The following NECTIN1 variants were observed in gnomAD, a reference collection of about 807,000 sequenced individuals.
NECTIN1 encodes nectin-1.
In NECTIN1, 23 loss-of-function variants were observed where a neutral mutation model predicts 48.0. The ratio of observed to expected loss-of-function variants is 0.48; its 90% CI spans 0.34 to 0.68. The LOEUF (loss-of-function observed/expected upper bound fraction) is 0.68, where lower values mean the gene tolerates loss of function less well. Ranked by LOEUF, NECTIN1 falls within the 30% of genes least tolerant of loss-of-function variation. The pLI is 0.01. For missense variants in NECTIN1, 591 were observed against 709.9 expected (o/e 0.83, Z 1.90); for synonymous variants, 270 against 288.9 (o/e 0.93, Z 0.66).
At position 119,684,958 on chromosome 11, in the gene NECTIN1, C is replaced by A. The variant is rs2135557311; in HGVS notation, c.80-6193G>T. ...GGCTGCCCCCTCCTGCCTCCAGACT[C>A]CCCTCTACACTCAGGATGGGGAGGA... On this transcript the variant is annotated intron_variant, in intron 1 of 5. Transcript: ENST00000264025. The surrounding 1 kb of genome is among the most constrained non-coding windows in gnomAD (Gnocchi z 5.2). Among the ~76,000 whole-genome samples the A allele has an allele frequency of 6.6e-6, 1 of 152,110 alleles. No homozygotes were observed. The highest frequency in any genetic ancestry group is 2.1e-4 in the South Asian group (1 of 4,808).
intron 1 of NECTIN1, among the ~76,000 whole-genome samples, chr11:119,698,580 G>C (rs1865382948): frequency 6.6e-6 from 1 of 152,236 alleles, no homozygotes; most frequent in African/African-American, 2.4e-5. Context: ...GAGCAGTGGA[G>C]AGTAGAGAGG....
chr11:119,695,118 G>A (rs2135565717), intron 1 of NECTIN1, among the ~76,000 whole-genome samples: 1 of 152,268 alleles, frequency 6.6e-6, no homozygotes, highest in East Asian at 1.9e-4. Context: ...CTGAGAAACT[G>A]AGGCTCAGGC....
At chr11:119,717,349 A>T (rs1865759221) in intron 1 of NECTIN1, among the ~76,000 whole-genome samples, 1 of 152,256 alleles carries the variant, frequency 6.6e-6, no homozygotes, top group South Asian at 2.1e-4. Context: ...CTGCCGGCCC[A>T]GGACACTGAT....
chr11:119,678,526 C>T lies in NECTIN1; in HGVS notation c.319G>A (p.Gly107Ser). 1.2e-6 allele frequency: 2 copies of T among 1,614,214 alleles called. No homozygotes were observed. Among genetic ancestry groups the T allele is most frequent in the Non-Finnish European group, 1.7e-6 (2 of 1,180,040 alleles). ...TCCAGGCGGGAGAGGCGGATAGTGC[C>T]ATCGGTGAAGGAGGGCCGCAGGAAT... ...VEFLRPSFTD[G>S]TIRLSRLELE... The change falls in exon 2 of 6, where the codon GGC (glycine) becomes AGC (serine). Residue 107 changes from glycine to serine, a missense_variant. Physicochemically the swap from Gly to Ser is moderately conservative, Grantham distance 56 (BLOSUM62 0). Coordinates refer to ENST00000264025, the MANE Select transcript of NECTIN1 (RefSeq NM_002855.5). This position sits in a 1 kb window ranked among gnomAD's most constrained non-coding sequence, Gnocchi z 4.4.
At chr11:119,638,630 G>A in intron 7 of NECTIN1, 1 of 1,090,304 alleles carries the variant, frequency 9.2e-7, no homozygotes, top group Non-Finnish European at 1.4e-6. Context: ...ATGAAGGCGT[G>A]GCGGCTCTGT....
In NECTIN1 at chr11:119,727,212, C is replaced by G. The variant is rs11603579; in HGVS notation, c.79+1263G>C. 9.2e-3 allele frequency among the ~76,000 whole-genome samples: 1,401 copies of G among 152,282 alleles called. 27 individuals carry two copies. The highest frequency in any genetic ancestry group is 0.032 in the African/African-American group (1,338 of 41,568). On this transcript the variant is annotated intron_variant, in intron 1 of 5. Transcript: ENST00000264025. The surrounding 1 kb of genome is among the most constrained non-coding windows in gnomAD (Gnocchi z 4.1). ...GCCTTCCAGGAGTGCACCCTAGCCC[C>G]GGAACTAGGCAGCCAGACTGTTCCC...
chr11:119,728,161 G>A lies in NECTIN1; in HGVS notation c.79+314C>T, dbSNP rs564652891. Among the ~76,000 whole-genome samples the A allele has an allele frequency of 2.2e-3, 328 of 152,366 alleles. 1 individual carries two copies. The highest frequency in any genetic ancestry group is 7.3e-3 in the African/African-American group (305 of 41,586). On this transcript the variant is annotated intron_variant, in intron 1 of 5. Coordinates refer to ENST00000264025, the MANE Select transcript of NECTIN1 (RefSeq NM_002855.5). ...ATGTAACACGCAGTGTTTCCAAACT[G>A]CTTCCCGAGCAGAGAGCTGGTTATT...
intron 5 of NECTIN1, among the ~76,000 whole-genome samples, chr11:119,654,430 A>G (rs901473183): frequency 1.3e-5 from 2 of 152,118 alleles, no homozygotes; most frequent in Admixed American, 6.5e-5. Context: ...AGGTTCAGGG[A>G]GGACACACAG....
chr11:119,684,001 G>A lies in NECTIN1; in HGVS notation c.80-5236C>T, dbSNP rs1179544172. Among the ~76,000 whole-genome samples the A allele has an allele frequency of 6.6e-6, 1 of 152,212 alleles. No individual in the cohort carries two copies. Among genetic ancestry groups the A allele is most frequent in the African/African-American group, 2.4e-5 (1 of 41,468 alleles). On this transcript the variant is annotated intron_variant, in intron 1 of 5. Transcript: ENST00000264025. This position sits in a 1 kb window ranked among gnomAD's most constrained non-coding sequence, Gnocchi z 5.2. ...AACAAAACACAAAGACTCCTCAGTT[G>A]TGGCGGACAAACCTGCTCCCCAAGG...
chr11:119,692,411 ATGTG>A (rs60998928), intron 1 of NECTIN1, among the ~76,000 whole-genome samples: 3 of 142,450 alleles, frequency 2.1e-5, no homozygotes, highest in Non-Finnish European at 4.7e-5. Flanking sequence ...TGTGGCAGTG[ATGTG>A]TGTGTGTGTG....
In NECTIN1 at chr11:119,662,048, G is replaced by C. The variant is rs1186694951; in HGVS notation, c.*2699C>G. 5.1e-6 allele frequency: 5 copies of C among 985,276 alleles called. No homozygotes were observed. Among genetic ancestry groups the C allele is most frequent in the African/African-American group, 3.5e-5 (2 of 57,204 alleles). 61.0% of individuals were successfully genotyped at this position (985,276 alleles called of 1,614,324 possible). A position where few individuals can be genotyped will look rare whatever the true frequency, so the allele number is the denominator to read the frequency against. On this transcript the variant is annotated 3_prime_UTR_variant, in exon 6 of 6. Transcript: ENST00000264025. The surrounding 1 kb of genome is among the most constrained non-coding windows in gnomAD (Gnocchi z 5.3). ...ATATCAAAATCTGTAAGGAAACAGG[G>C]GCATGGGTGTGGGGTGGGGGGCAAG... is the stretch of plus-strand genomic sequence containing the variant.
chr11:119,664,672 G>A lies in NECTIN1; in HGVS notation c.*75C>T, dbSNP rs1457386718. ...TCTCTGTTCAGCTCCTGGAGTGGGA[G>A]GTGGGGGGTGGGCAGGGGGCGTGCG... On this transcript the variant is annotated 3_prime_UTR_variant, in exon 6 of 6. Coordinates refer to ENST00000264025, the MANE Select transcript of NECTIN1 (RefSeq NM_002855.5). 6.7e-7 allele frequency: 1 copy of A among 1,483,262 alleles called. No homozygotes were observed. Among genetic ancestry groups the A allele is most frequent in the Non-Finnish European group, 9.0e-7 (1 of 1,110,468 alleles). The allele number at this position is 1,483,262 out of a possible 1,614,324, so 91.9% of individuals were successfully genotyped here.
chr11:119,662,336 C>T lies in NECTIN1; in HGVS notation c.*2411G>A. ...CCCTAGGTCCAAGTGCTGACTCCTG[C>T]CTCATGCCCACCCTCAGCCCAGGCT... is the stretch of plus-strand genomic sequence containing the variant. On this transcript the variant is annotated 3_prime_UTR_variant, in exon 6 of 6. Coordinates refer to ENST00000264025, the MANE Select transcript of NECTIN1 (RefSeq NM_002855.5). This position sits in a 1 kb window ranked among gnomAD's most constrained non-coding sequence, Gnocchi z 5.3. 1.0e-6 allele frequency: 1 copy of T among 985,888 alleles called. No homozygotes were observed. Among genetic ancestry groups the T allele is most frequent in the Non-Finnish European group, 1.2e-6 (1 of 829,954 alleles). 61.1% of individuals were successfully genotyped at this position (985,888 alleles called of 1,614,324 possible).
intron 1 of NECTIN1, among the ~76,000 whole-genome samples, chr11:119,706,731 C>CT (rs1442291464): frequency 6.6e-6 from 1 of 152,250 alleles, no homozygotes; most frequent in Non-Finnish European, 1.5e-5. Flanking sequence ...TGGGCCTCTG[C>CT]TTCCTTCCTT....
chr11:119,643,275 A>G (rs1030738096), intron 5 of NECTIN1, among the ~76,000 whole-genome samples: 1 of 152,200 alleles, frequency 6.6e-6, no homozygotes, highest in African/African-American at 2.4e-5. Context: ...TCCAAGGAGG[A>G]GAAATTGGCC....
downstream of NECTIN1, among the ~76,000 whole-genome samples, chr11:119,658,466 G>A (rs1864610937): frequency 6.6e-6 from 1 of 152,202 alleles, no homozygotes; most frequent in Non-Finnish European, 1.5e-5. Flanking sequence ...GCTCGGCATA[G>A]TGTCTAGAGG....
chr11:119,702,748 C>A (rs1222986023), intron 1 of NECTIN1, among the ~76,000 whole-genome samples: 1 of 152,198 alleles, frequency 6.6e-6, no homozygotes, highest in African/African-American at 2.4e-5. Context: ...TTAAATAAAG[C>A]TCTATAAGCA....
chr11:119,710,163 A>C (rs1184560313), intron 1 of NECTIN1: 3 of 152,262 alleles, frequency 2.0e-5, no homozygotes, highest in Non-Finnish European at 2.9e-5. Flanking sequence ...AGAAGCGCTG[A>C]AACAGAGCCA....
intron 1 of NECTIN1, among the ~76,000 whole-genome samples, chr11:119,705,630 C>A (rs543838011): frequency 1.3e-5 from 2 of 152,304 alleles, no homozygotes; most frequent in Admixed American, 6.5e-5. Flanking sequence ...CCAGGCCTCT[C>A]CCCTGAGCTG....
Sources: gnomAD v4.1 joint callset for allele counts (sites outside exome capture counted in the v4.1 genomes callset) on GRCh38, gnomAD v4.1.1 for gene constraint, Gnocchi (gnomAD v3.1) non-coding constraint, MANE v1.5 for transcripts, NCBI Gene and HGNC (gene_info 2026-07-23, HGNC 2026-07-21) for gene names.